The following CAMK2B variants were observed in gnomAD, a reference collection of about 807,000 sequenced individuals.
The protein encoded by CAMK2B is calcium/calmodulin dependent protein kinase II beta.
In CAMK2B, 27 loss-of-function variants were observed where a neutral mutation model predicts 93.7. That is an observed-to-expected ratio of 0.29 (90% CI 0.21 to 0.40). The LOEUF (loss-of-function observed/expected upper bound fraction) is 0.40. CAMK2B is among the 10% of genes least tolerant of loss of function. The probability of loss-of-function intolerance (pLI) is 1.00; values close to 1 mark genes in which losing one functional copy is unlikely to be tolerated. For synonymous variants in CAMK2B, 374 were observed against 358.8 expected, an observed-to-expected ratio of 1.04 and a Z score of -0.48; for missense variants, 568 against 895.8, an observed-to-expected ratio of 0.63 and a Z score of 4.67.
intron 12 of CAMK2B, 46 bp downstream of exon 12, chr7:44,240,660 CA>C: frequency 6.2e-7 from 1 of 1,604,032 alleles, no homozygotes. Flanking sequence ...CTGCGTGGGC[CA>C]GCAGGGAGGG....
intron 1 of CAMK2B, among the ~76,000 whole-genome samples, chr7:44,294,993 G>T (rs768974893): frequency 3.9e-5 from 6 of 152,168 alleles, no homozygotes; most frequent in Admixed American, 1.3e-4. Flanking sequence ...CCACAATTCT[G>T]GACTCAGAAA....
intron 2 of CAMK2B, among the ~76,000 whole-genome samples, chr7:44,268,413 C>T (rs576709000): frequency 2.0e-5 from 3 of 152,298 alleles, no homozygotes; most frequent in South Asian, 2.1e-4. Context: ...GGGGAGACAA[C>T]GCCACGCCAG....
intron 5 of CAMK2B, among the ~76,000 whole-genome samples, chr7:44,247,841 A>T (rs1259222511): frequency 6.6e-6 from 1 of 152,230 alleles, no homozygotes; most frequent in East Asian, 1.9e-4. Context: ...CAGCCTGGCC[A>T]ACATGGCGAA....
At chr7:44,296,967 TAAAG>T (rs1788482042) in intron 1 of CAMK2B, among the ~76,000 whole-genome samples, 1 of 152,086 alleles carries the variant, frequency 6.6e-6, no homozygotes. Flanking sequence ...TGGATCTACA[TAAAG>T]AAAGGAAGAG....
intron 5 of CAMK2B, among the ~76,000 whole-genome samples, chr7:44,250,153 A>G (rs2096766656): frequency 6.6e-6 from 1 of 152,208 alleles, no homozygotes; most frequent in Non-Finnish European, 1.5e-5. Flanking sequence ...GGTAGGTGGG[A>G]TGGGACAACC....
intron 17 of CAMK2B, 31 bp downstream of exon 17, chr7:44,230,975 G>T (rs750858792): frequency 1.3e-6 from 2 of 1,548,440 alleles, no homozygotes; most frequent in African/African-American, 1.4e-5. Flanking sequence ...TGCCAAGGCC[G>T]CTGGGGGGGC....
chr7:44,246,482 T>C (rs999596002), intron 6 of CAMK2B, among the ~76,000 whole-genome samples: 2 of 151,514 alleles, frequency 1.3e-5, no homozygotes, highest in South Asian at 2.1e-4. Flanking sequence ...TGTACCCACA[T>C]GTACACATTC....
At position 44,220,176 on chromosome 7, in the gene CAMK2B, C is replaced by T. The variant is rs369973326; in HGVS notation, c.1887G>A (p.Gln629=). The T allele has an allele frequency of 5.5e-5, 89 of 1,612,476 alleles. No homozygotes were observed. Among genetic ancestry groups the T allele is most frequent in the Non-Finnish European group, 7.3e-5 (86 of 1,179,932 alleles). ...CAGACTGGCTGGTGCGGGGCCGGCC[C>T]TGCCCGTCAATGTACTGCGTGAGCC... is the stretch of plus-strand genomic sequence containing the variant. The part of the protein sequence containing the change: ...YIRLTQYIDG[Q]GRPRTSQSEE... Residue 629 remains glutamine, a synonymous_variant, in exon 23 of 24, where the codon CAG becomes CAA. Transcript: ENST00000395749.
chr7:44,266,169 C>T (rs2096919833), intron 2 of CAMK2B, among the ~76,000 whole-genome samples: 1 of 151,942 alleles, frequency 6.6e-6, no homozygotes, highest in South Asian at 2.1e-4. Flanking sequence ...AAAATTCGGG[C>T]AAAAAATAAA....
Position 44,319,318 on chromosome 7 carries a change from C to G in CAMK2B, c.65+6039G>C, listed in dbSNP as rs541085862. ...CCAGGGACAGACATTGCACACTTAT[C>G]TCCACCTGGTCTCTTCTAGTAAATT... On this transcript the variant is annotated intron_variant, in intron 1 of 23. Transcript: ENST00000395749. Among the ~76,000 whole-genome samples the G allele has an allele frequency of 4.5e-4, 68 of 152,322 alleles. No individual in the cohort carries two copies. In the South Asian group the frequency reaches 0.014, roughly 31 times the overall value.
rs748144714 is a variant in CAMK2B, at chr7:44,284,240, G to C, written c.66-15C>G. ...AGAAAGCCCCCCTGGGGAGGAAAATGGGGGAGCGAGAGACAGAGACAGAGA... is the reference window on the plus strand; with the variant it reads ...AGAAAGCCCCCCTGGGGAGGAAAATCGGGGAGCGAGAGACAGAGACAGAGA... On this transcript the variant is annotated splice_polypyrimidine_tract_variant and intron_variant, in intron 1 of 23. Coordinates refer to ENST00000395749, the MANE Select transcript of CAMK2B (RefSeq NM_001220.5). 1.3e-5 allele frequency: 20 copies of C among 1,570,728 alleles called. No homozygotes were observed. Among genetic ancestry groups the C allele is most frequent in the East Asian group, 2.2e-5 (1 of 44,628 alleles).
intron 1 of CAMK2B, among the ~76,000 whole-genome samples, chr7:44,299,025 C>T (rs947129683): frequency 6.6e-6 from 1 of 152,098 alleles, no homozygotes; most frequent in African/African-American, 2.4e-5. Context: ...CCATATGATC[C>T]AGCAATTCCA....
chr7:44,289,628 C>T lies in CAMK2B; in HGVS notation c.66-5403G>A, dbSNP rs556122493. ...CTGGTGACTTCCATCAGTAAGGGGG[C>T]AGTGATTGTCCCCCTACACAGAATG... On this transcript the variant is annotated intron_variant, in intron 1 of 23. Coordinates refer to ENST00000395749, the MANE Select transcript of CAMK2B (RefSeq NM_001220.5). Among the ~76,000 whole-genome samples, 68 of 152,268 alleles carry T rather than the reference C, an allele frequency of 4.5e-4. 1 individual carries two copies. The highest frequency in any genetic ancestry group is 1.5e-3 in the African/African-American group (63 of 41,558).
At position 44,247,101 on chromosome 7, in the gene CAMK2B, G is replaced by C; in HGVS notation, c.414+19C>G. On this transcript the variant is annotated intron_variant, in intron 6 of 23. Coordinates refer to ENST00000395749, the MANE Select transcript of CAMK2B (RefSeq NM_001220.5). ...GTACAGACAACAGACACCTGGCACAGAGTGGGGTGGGGACTCACCTTGAGG... is the reference window on the plus strand; with the variant it reads ...GTACAGACAACAGACACCTGGCACACAGTGGGGTGGGGACTCACCTTGAGG... 6.2e-7 allele frequency: 1 copy of C among 1,603,276 alleles called. No homozygotes were observed. Among genetic ancestry groups the C allele is most frequent in the Non-Finnish European group, 8.5e-7 (1 of 1,170,218 alleles).
chr7:44,298,318 G>A (rs1238558913), intron 1 of CAMK2B, among the ~76,000 whole-genome samples: 1 of 152,162 alleles, frequency 6.6e-6, no homozygotes, highest in African/African-American at 2.4e-5. Flanking sequence ...AGTGGTGCTG[G>A]GGAAACTGGG....
chr7:44,286,814 C>G lies in CAMK2B; in HGVS notation c.66-2589G>C, dbSNP rs142667298. On this transcript the variant is annotated intron_variant, in intron 1 of 23. Coordinates refer to ENST00000395749, the MANE Select transcript of CAMK2B (RefSeq NM_001220.5). The surrounding 1 kb of genome is among the most constrained non-coding windows in gnomAD (Gnocchi z 4.0). ...CCAGAGCCAGGGGGCCAAGGCCAGG[C>G]AGCGCCGCTGAGGAAGGAGGAAGGC... is the stretch of plus-strand genomic sequence containing the variant. Among the ~76,000 whole-genome samples the G allele has an allele frequency of 1.3e-5, 2 of 152,298 alleles. No homozygotes were observed. Among genetic ancestry groups the G allele is most frequent in the East Asian group, 3.9e-4 (2 of 5,172 alleles).
At chr7:44,231,274 A>G (rs1316709633) in intron 16 of CAMK2B, among the ~76,000 whole-genome samples, 1 of 152,156 alleles carries the variant, frequency 6.6e-6, no homozygotes, top group Non-Finnish European at 1.5e-5. Context: ...TGCGGCAGTG[A>G]CCGGAGAAGA....
At chr7:44,220,560 G>T in intron 22 of CAMK2B, 56 bp downstream of exon 22, 1 of 1,457,926 alleles carries the variant, frequency 6.9e-7, no homozygotes, top group South Asian at 1.2e-5. Context: ...GGGAGGGGCC[G>T]AGAGGCTCTC....
At chr7:44,234,265 C>T (rs975559121) in intron 15 of CAMK2B, 125 bp downstream of exon 15, 8 of 789,448 alleles carry the variant, frequency 1.0e-5, no homozygotes, top group South Asian at 9.5e-5. Context: ...GGGGGCCATG[C>T]GAGTGCTGTC....
Sources: allele counts gnomAD v4.1 joint callset (sites outside exome capture counted in the v4.1 genomes callset), GRCh38; gene constraint gnomAD v4.1.1; non-coding constraint Gnocchi (gnomAD v3.1); transcripts MANE v1.5; gene names NCBI Gene and HGNC (gene_info 2026-07-23, HGNC 2026-07-21).